Variants in TTC28 observed in about 807,000 individuals in gnomAD.
The protein encoded by TTC28 is tetratricopeptide repeat protein 28.
A neutral mutation model predicts 198.0 loss-of-function variants in TTC28; 61 were observed. That is an observed-to-expected ratio of 0.31 (90% confidence interval 0.25 to 0.38). The LOEUF is 0.38. TTC28 is among the 10% of genes least tolerant of loss of function. The pLI, the probability that TTC28 is intolerant of heterozygous loss-of-function variation, is 1.00. For missense variants in TTC28, 2,678 were observed against 3,164.0 expected (o/e 0.85, Z 3.69); for synonymous variants, 1,171 against 1,297.8 (o/e 0.90, Z 2.10).
intron 5 of TTC28, among the ~76,000 whole-genome samples, chr22:28,165,034 C>G (rs931136330): frequency 7.9e-5 from 12 of 152,038 alleles, no homozygotes; most frequent in Admixed American, 2.6e-4. Flanking sequence ...GATGAATGCA[C>G]AAGCCTCAGT....
intron 2 of TTC28, among the ~76,000 whole-genome samples, chr22:28,445,644 C>T (rs1017684111): frequency 2.6e-5 from 4 of 152,164 alleles, no homozygotes; most frequent in African/African-American, 9.7e-5. Flanking sequence ...AACATGCCAA[C>T]CATACACTTG....
At chr22:28,468,523 C>CTT (rs926913086) in intron 2 of TTC28, among the ~76,000 whole-genome samples, 3 of 144,472 alleles carry the variant, frequency 2.1e-5, no homozygotes, top group Admixed American at 6.9e-5. Context: ...TCTCATAATG[C>CTT]TTTTTTTTTT....
chr22:28,170,733 C>A (rs1181281471), intron 5 of TTC28, among the ~76,000 whole-genome samples: 2 of 152,094 alleles, frequency 1.3e-5, no homozygotes, highest in South Asian at 2.1e-4. Flanking sequence ...TCCTTCAATG[C>A]AACTTCATCA....
intron 2 of TTC28, among the ~76,000 whole-genome samples, chr22:28,589,783 T>A (rs190135228): frequency 6.6e-6 from 1 of 152,206 alleles, no homozygotes; most frequent in East Asian, 1.9e-4. Context: ...CTCACGCCTG[T>A]AATCCTAGCA....
At chr22:28,329,068 T>C (rs1368214127) in intron 2 of TTC28, among the ~76,000 whole-genome samples, 2 of 152,066 alleles carry the variant, frequency 1.3e-5, no homozygotes, top group African/African-American at 4.8e-5. Flanking sequence ...TCAGGGTAGA[T>C]TGGTTCAAAA....
intron 2 of TTC28, among the ~76,000 whole-genome samples, chr22:28,385,693 A>T (rs2146038558): frequency 6.6e-6 from 1 of 152,276 alleles, no homozygotes; most frequent in Non-Finnish European, 1.5e-5. Context: ...TCAAAATTTT[A>T]ACTGGCTTAC....
intron 2 of TTC28, among the ~76,000 whole-genome samples, chr22:28,541,628 A>C (rs2049412858): frequency 1.3e-5 from 2 of 152,212 alleles, no homozygotes; most frequent in South Asian, 4.1e-4. Context: ...AAATTAATAA[A>C]GATTGCCAAA....
chr22:28,396,321 T>C (rs2046814821), intron 2 of TTC28, among the ~76,000 whole-genome samples: 1 of 152,166 alleles, frequency 6.6e-6, no homozygotes, highest in African/African-American at 2.4e-5. Flanking sequence ...TCACTAGTAT[T>C]GAAAGGCCCA....
At chr22:28,304,023 C>A (rs949699225) in intron 3 of TTC28, among the ~76,000 whole-genome samples, 2 of 152,076 alleles carry the variant, frequency 1.3e-5, no homozygotes, top group Admixed American at 1.3e-4. Context: ...CGGTGGCTCA[C>A]GCCTGTAATC....
intron 5 of TTC28, among the ~76,000 whole-genome samples, chr22:28,277,897 C>T (rs1350347658): frequency 6.6e-6 from 1 of 152,056 alleles, no homozygotes; most frequent in Non-Finnish European, 1.5e-5. Flanking sequence ...GGCAGCCTGC[C>T]ACCCATTATA....
At chr22:28,526,846 TC>T (rs892025865) in intron 2 of TTC28, among the ~76,000 whole-genome samples, 1 of 152,094 alleles carries the variant, frequency 6.6e-6, no homozygotes, top group African/African-American at 2.4e-5. Context: ...AACCTCCGCC[TC>T]CCAGGTACAA....
chr22:28,187,474 C>T (rs1924305671), intron 5 of TTC28, among the ~76,000 whole-genome samples: 1 of 151,826 alleles, frequency 6.6e-6, no homozygotes, highest in South Asian at 2.1e-4. Context: ...GGCCACTATA[C>T]ACAACCACTA....
chr22:28,263,526 T>G (rs1044661969), intron 5 of TTC28, among the ~76,000 whole-genome samples: 3 of 152,202 alleles, frequency 2.0e-5, no homozygotes, highest in Admixed American at 6.5e-5. Context: ...ATTTACTACA[T>G]ACTGATGCAG....
chr22:28,322,663 C>T (rs1380713332), intron 2 of TTC28, among the ~76,000 whole-genome samples: 1 of 152,190 alleles, frequency 6.6e-6, no homozygotes, highest in Non-Finnish European at 1.5e-5. Flanking sequence ...AAATACTGAG[C>T]AGGAGCATTT....
At chr22:28,584,016 G>GTTTTTT in intron 2 of TTC28, among the ~76,000 whole-genome samples, 38 of 132,970 alleles carry the variant, frequency 2.9e-4, no homozygotes, top group African/African-American at 7.3e-4. Context: ...GTTTTGTTTT[G>GTTTTTT]TTTTTTTTTT....
At chr22:28,486,933 A>G (rs1315101468) in intron 2 of TTC28, among the ~76,000 whole-genome samples, 1 of 152,200 alleles carries the variant, frequency 6.6e-6, no homozygotes, top group Admixed American at 6.5e-5. Context: ...AGTCAGGCAA[A>G]TATTTAAATG....
At chr22:28,021,731 G>A (rs566703776) in intron 13 of TTC28, among the ~76,000 whole-genome samples, 10 of 152,234 alleles carry the variant, frequency 6.6e-5, no homozygotes, top group Middle Eastern at 3.4e-3. Flanking sequence ...TCTTCCCTGT[G>A]TCCCGCCCTC....
intron 2 of TTC28, among the ~76,000 whole-genome samples, chr22:28,529,752 T>C (rs922884353): frequency 3.9e-5 from 6 of 152,166 alleles, no homozygotes; most frequent in Non-Finnish European, 5.9e-5. Flanking sequence ...CTGCAATATT[T>C]GCTGTTCTGC....
chr22:28,202,015 A>T (rs995363758), intron 5 of TTC28, among the ~76,000 whole-genome samples: 1 of 152,122 alleles, frequency 6.6e-6, no homozygotes, highest in Non-Finnish European at 1.5e-5. Flanking sequence ...GGTCATCTTT[A>T]ACTGCCACAA....
Sources: allele counts gnomAD v4.1 joint callset (sites outside exome capture counted in the v4.1 genomes callset), GRCh38; gene constraint gnomAD v4.1.1; transcripts MANE v1.5; gene names NCBI Gene and HGNC (gene_info 2026-07-23, HGNC 2026-07-21).